SLC47A1: variants seen among roughly 807,000 people sequenced by gnomAD.
SLC47A1 encodes the protein multidrug and toxin extrusion protein 1.
In SLC47A1, 58 loss-of-function variants were observed where a neutral mutation model predicts 65.8. The observed-to-expected ratio is 0.88, with a 90% CI of 0.71 to 1.10. SLC47A1 has a LOEUF of 1.10. Ranked by LOEUF, SLC47A1 falls within the 50% of genes least tolerant of loss-of-function variation. SLC47A1 has a pLI of 0.00. For synonymous variants in SLC47A1, 285 were observed against 295.0 expected, an observed-to-expected ratio of 0.97 and a Z score of 0.35; for missense variants, 706 against 719.2, an observed-to-expected ratio of 0.98 and a Z score of 0.21.
At chr17:19,547,720 T>TTC (rs1183013182) in intron 3 of SLC47A1, among the ~76,000 whole-genome samples, 1 of 135,686 alleles carries the variant, frequency 7.4e-6, no homozygotes, top group East Asian at 2.1e-4. Flanking sequence ...GGGCTTCTTT[T>TTC]TTTTTTTTTT....
intron 10 of SLC47A1, among the ~76,000 whole-genome samples, chr17:19,559,788 C>G (rs1009723502): frequency 3.3e-5 from 5 of 152,206 alleles, no homozygotes; most frequent in Non-Finnish European, 7.4e-5. Context: ...CTGCCTCGGC[C>G]TCCCAAAGTG....
rs117661624 is a variant in SLC47A1 at position 19,552,609 on chromosome 17, G to C, written c.543+1141G>C. On this transcript the variant is annotated intron_variant, in intron 6 of 16. Coordinates refer to ENST00000270570, the MANE Select transcript of SLC47A1 (RefSeq NM_018242.3). ...CCTGCTGAGGACAATGAGTGTGAAA[G>C]TCTTCTTTCCTGTTCTCTGGGGCAC... 6.1e-3 allele frequency among the ~76,000 whole-genome samples: 929 copies of C among 152,318 alleles called. 25 individuals are homozygous for C. In the East Asian group the frequency reaches 0.066, roughly 11 times the overall value.
Position 19,533,882 on chromosome 17 carries a change from G to C in SLC47A1, c.-58G>C, listed in dbSNP as rs1251773121. 1.4e-6 allele frequency: 2 copies of C among 1,387,346 alleles called. No individual in the cohort carries two copies. Among genetic ancestry groups the C allele is most frequent in the Non-Finnish European group, 1.9e-6 (2 of 1,067,248 alleles). The allele number at this position is 1,387,346 out of a possible 1,614,324, so 85.9% of individuals were successfully genotyped here. Reference sequence around the variant, plus strand: ...GCCGGCCTGCGCGGTACTCACTGCCGGCCTCCGCGGTACCCACTGCCGGCC... The same window carrying C: ...GCCGGCCTGCGCGGTACTCACTGCCCGCCTCCGCGGTACCCACTGCCGGCC... On this transcript the variant is annotated 5_prime_UTR_variant, in exon 1 of 17. Transcript: ENST00000270570.
At chr17:19,538,395 C>T (rs532356542) in intron 1 of SLC47A1, among the ~76,000 whole-genome samples, 99 of 152,378 alleles carry the variant, frequency 6.5e-4, no homozygotes, top group African/African-American at 2.4e-3. Flanking sequence ...CCCTGACAGG[C>T]ACTGCAAGTC....
chr17:19,537,984 A>C (rs1291402634), intron 1 of SLC47A1, among the ~76,000 whole-genome samples: 1 of 152,126 alleles, frequency 6.6e-6, no homozygotes. Flanking sequence ...GCTGCACCCC[A>C]CAGCTCATCA....
At chr17:19,554,092 C>T (rs1182931635) in intron 6 of SLC47A1, among the ~76,000 whole-genome samples, 1 of 151,970 alleles carries the variant, frequency 6.6e-6, no homozygotes, top group Non-Finnish European at 1.5e-5. Context: ...ATTGGCCTGT[C>T]GCAGTGAGAG....
chr17:19,533,899 C>CT lies in SLC47A1; in HGVS notation c.-40dup. On this transcript the variant is annotated 5_prime_UTR_variant, in exon 1 of 17. Coordinates refer to ENST00000270570, the MANE Select transcript of SLC47A1 (RefSeq NM_018242.3). Reference sequence around the variant, plus strand: ...TCACTGCCGGCCTCCGCGGTACCCACTGCCGGCCTCCGCGCTACCCGGCCG... The same window carrying CT: ...TCACTGCCGGCCTCCGCGGTACCCACTTGCCGGCCTCCGCGCTACCCGGCCG... 1 of 1,454,840 alleles carries CT rather than the reference C, an allele frequency of 6.9e-7. No individual in the cohort carries two copies. The highest frequency in any genetic ancestry group is 1.5e-5 in the African/African-American group (1 of 67,056). The allele number at this position is 1,454,840 out of a possible 1,614,324, so 90.1% of individuals were successfully genotyped here.
intron 14 of SLC47A1, among the ~76,000 whole-genome samples, chr17:19,569,697 C>G (rs2084385365): frequency 6.6e-6 from 1 of 152,232 alleles, no homozygotes; most frequent in Non-Finnish European, 1.5e-5. Flanking sequence ...CCCATGAGAT[C>G]TAATAATCAT....
chr17:19,533,947 C>A lies in SLC47A1; in HGVS notation c.8C>A (p.Ala3Asp). 6.6e-7 allele frequency: 1 copy of A among 1,526,602 alleles called. No homozygotes were observed. Among genetic ancestry groups the A allele is most frequent in the South Asian group, 1.2e-5 (1 of 82,048 alleles). The allele number at this position is 1,526,602 out of a possible 1,614,324, so 94.6% of individuals were successfully genotyped here. A position where few individuals can be genotyped will look rare whatever the true frequency, so the allele number is the denominator to read the frequency against. Residue 3 changes from alanine (A) to aspartate (D), a missense_variant, in exon 1 of 17, where the codon GCT becomes GAT. Transcript: ENST00000270570. ...CCGCAGCGCGCGAGTCACATGGAAG[C>A]TCCTGAGGAGCCCGCGCCAGTGCGC... is the stretch of plus-strand genomic sequence containing the variant. ME[A>D]PEEPAPVRGG...
chr17:19,562,797 G>A (rs1322492350), intron 12 of SLC47A1, among the ~76,000 whole-genome samples: 1 of 152,036 alleles, frequency 6.6e-6, no homozygotes, highest in Non-Finnish European at 1.5e-5. Context: ...TAGAACTGAC[G>A]AGATGAGGAA....
In SLC47A1 at chr17:19,551,907, T is replaced by C. The variant is rs78906241; in HGVS notation, c.543+439T>C. Among the ~76,000 whole-genome samples, 1,053 of 152,344 alleles carry C rather than the reference T, an allele frequency of 6.9e-3. 39 individuals carry two copies. In the East Asian group the frequency reaches 0.087, roughly 13 times the overall value. On this transcript the variant is annotated intron_variant, in intron 6 of 16. Coordinates refer to ENST00000270570, the MANE Select transcript of SLC47A1 (RefSeq NM_018242.3). ...TGTCGGAATGGCCCCACTTTTCTCA[T>C]TGAGGATGTAAGAGCTCAAACTCTA...
chr17:19,533,871 T>TAACC lies in SLC47A1; in HGVS notation c.-68_-67insACCA. ...CGGTACCCACTGCCGGCCTGCGCGGTACTCACTGCCGGCCTCCGCGGTACC... is the reference window on the plus strand; with the variant it reads ...CGGTACCCACTGCCGGCCTGCGCGGTAACCACTCACTGCCGGCCTCCGCGGTACC... On this transcript the variant is annotated 5_prime_UTR_variant, in exon 1 of 17. Transcript: ENST00000270570. The TAACC allele has an allele frequency of 7.3e-7, 1 of 1,366,214 alleles. No homozygotes were observed. Among genetic ancestry groups the TAACC allele is most frequent in the Non-Finnish European group, 9.5e-7 (1 of 1,054,182 alleles). 84.6% of individuals were successfully genotyped at this position (1,366,214 alleles called of 1,614,324 possible).
intron 1 of SLC47A1, among the ~76,000 whole-genome samples, chr17:19,541,005 CG>C (rs1042668026): frequency 6.6e-6 from 1 of 152,140 alleles, no homozygotes. Flanking sequence ...CATTATGGCT[CG>C]GGGGCCTGAT....
At position 19,533,981 on chromosome 17, in the gene SLC47A1, G is replaced by A; in HGVS notation, c.42G>A (p.Pro14=). 1 of 1,540,162 alleles carries A rather than the reference G, an allele frequency of 6.5e-7. No homozygotes were observed. Among genetic ancestry groups the A allele is most frequent in the Non-Finnish European group, 8.7e-7 (1 of 1,145,446 alleles). Residue 14 remains proline (P), a synonymous_variant, in exon 1 of 17, where the codon CCG becomes CCA. Transcript: ENST00000270570. ...PEEPAPVRGG[P]EATLEVRGSR... is the part of the protein sequence containing the mutation. ...AGCCCGCGCCAGTGCGCGGAGGCCC[G>A]GAGGCCACCCTTGAGGTCCGTGGGT...
At chr17:19,570,035 C>G (rs548124677) in intron 14 of SLC47A1, among the ~76,000 whole-genome samples, 11 of 152,280 alleles carry the variant, frequency 7.2e-5, no homozygotes, top group East Asian at 3.9e-4. Flanking sequence ...TCACTTGACT[C>G]TAGGAGTTGG....
rs2289666 is a variant in SLC47A1, at chr17:19,567,713, A to G, written c.1309+485A>G. The G allele has an allele frequency of 2.8e-4, 46 of 165,076 alleles. No homozygotes were observed. The East Asian group carries it at 6.1e-3, about 22-fold the overall frequency. 10.2% of individuals were successfully genotyped at this position (165,076 alleles called of 1,614,324 possible). Reference sequence around the variant, plus strand: ...GTCTGCACTCACGGTGGCACTCTGCATCCTAGAGCAGTGCCCCATGTGCTC... The same window carrying G: ...GTCTGCACTCACGGTGGCACTCTGCGTCCTAGAGCAGTGCCCCATGTGCTC... On this transcript the variant is annotated intron_variant, in intron 14 of 16. Coordinates refer to ENST00000270570, the MANE Select transcript of SLC47A1 (RefSeq NM_018242.3).
At position 19,577,474 on chromosome 17, in the gene SLC47A1, G is replaced by T. The variant is rs144621154; in HGVS notation, c.1634G>T (p.Arg545Leu). Residue 545 changes from arginine (R) to leucine (L), a missense_variant, in exon 17 of 17, where the codon CGG becomes CTG. Physicochemically the swap from Arg to Leu is moderately radical, Grantham distance 102. Transcript: ENST00000270570. ...AKLSRKQLVLRRGLLLLGVFL... is the reference protein window; with the variant it reads ...AKLSRKQLVLLRGLLLLGVFL... ...TTGTCCAGGAAACAGCTGGTGCTGC[G>T]GCGAGGGCTTCTGCTCCTGGGGGTC... is the stretch of plus-strand genomic sequence containing the variant. 6.2e-7 allele frequency: 1 copy of T among 1,614,124 alleles called. No individual in the cohort carries two copies. Among genetic ancestry groups the T allele is most frequent in the Non-Finnish European group, 8.5e-7 (1 of 1,180,010 alleles).
intron 12 of SLC47A1, among the ~76,000 whole-genome samples, chr17:19,566,518 C>T (rs535906585): frequency 1.3e-5 from 2 of 152,188 alleles, no homozygotes; most frequent in African/African-American, 2.4e-5. Context: ...CTCTGCCTCC[C>T]GGGTTCAAGC....
intron 14 of SLC47A1, among the ~76,000 whole-genome samples, chr17:19,568,855 G>A (rs541118509): frequency 1.3e-3 from 194 of 151,962 alleles, no homozygotes; most frequent in African/African-American, 4.6e-3. Flanking sequence ...CTACTTCTAT[G>A]AGTTCAACTT....
Sources: gnomAD v4.1 joint callset for allele counts (sites outside exome capture counted in the v4.1 genomes callset) on GRCh38, gnomAD v4.1.1 for gene constraint, MANE v1.5 for transcripts, NCBI Gene and HGNC (gene_info 2026-07-23, HGNC 2026-07-21) for gene names.